PHYKPL: variants seen among roughly 807,000 people sequenced by gnomAD.
PHYKPL encodes 5-phosphonooxy-L-lysine phospho-lyase.
A neutral mutation model predicts 51.3 loss-of-function variants in PHYKPL; 42 were observed. That is an observed-to-expected ratio of 0.82 (90% CI 0.64 to 1.06). The LOEUF (loss-of-function observed/expected upper bound fraction) is 1.06. PHYKPL is among the 50% of genes least tolerant of loss of function. The pLI, the probability that PHYKPL is intolerant of heterozygous loss-of-function variation, is 0.00. For missense variants in PHYKPL, 655 were observed against 586.6 expected, an observed-to-expected ratio of 1.12 and a Z score of -1.20; for synonymous variants, 264 against 236.0, an observed-to-expected ratio of 1.12 and a Z score of -1.09.
Position 178,232,764 on chromosome 5 carries a change from T to A in PHYKPL, c.-214A>T. Reference sequence around the variant, plus strand: ...CAGCCTTCCGGCCCGTGGTCGTGCCTTGGCAGTCCCGCGCAGGAACTCGAG... The same window carrying A: ...CAGCCTTCCGGCCCGTGGTCGTGCCATGGCAGTCCCGCGCAGGAACTCGAG... On this transcript the variant is annotated 5_prime_UTR_variant, in exon 1 of 13. It adds an upstream start codon to the 5' untranslated region. Transcript: ENST00000308158. 2.3e-6 allele frequency: 1 copy of A among 443,602 alleles called. No individual in the cohort carries two copies. The highest frequency in any genetic ancestry group is 3.5e-6 in the Non-Finnish European group (1 of 285,616). 27.5% of individuals were successfully genotyped at this position (443,602 alleles called of 1,614,324 possible).
chr5:178,217,646 CAGG>C (rs1395522321), intron 8 of PHYKPL, among the ~76,000 whole-genome samples: 1 of 150,798 alleles, frequency 6.6e-6, no homozygotes, highest in Non-Finnish European at 1.5e-5. Flanking sequence ...ATCATGAGGT[CAGG>C]AGATCGAGAC....
At chr5:178,225,724 A>G (rs1045802212) in intron 3 of PHYKPL, 31 of 422,638 alleles carry the variant, frequency 7.3e-5, no homozygotes, top group Non-Finnish European at 1.0e-4. Flanking sequence ...CTTTCACACT[A>G]CAACAATCAA....
chr5:178,222,846 A>G lies in PHYKPL; in HGVS notation c.701+6T>C, dbSNP rs760237368. Reference sequence around the variant, plus strand: ...TCCCTAGAGCAGACCCCGCCCACCTACTCACTCTGCCACTTGGGAGAAGTA... The same window carrying G: ...TCCCTAGAGCAGACCCCGCCCACCTGCTCACTCTGCCACTTGGGAGAAGTA... On this transcript the variant is annotated splice_donor_region_variant and intron_variant, in intron 7 of 12. Coordinates refer to ENST00000308158, the MANE Select transcript of PHYKPL (RefSeq NM_153373.4). The G allele has an allele frequency of 3.1e-6, 5 of 1,613,888 alleles. No individual in the cohort carries two copies. The South Asian group carries it at 5.5e-5, about 18-fold the overall frequency.
chr5:178,224,954 C>T (rs566390235), intron 4 of PHYKPL: 19 of 571,966 alleles, frequency 3.3e-5, no homozygotes, highest in African/African-American at 2.2e-4. Context: ...TAATCTCTCT[C>T]GGTTGTTTTC....
rs1185844046 is a variant in PHYKPL, at chr5:178,225,293, G to A, written c.413+62C>T. 6.9e-6 allele frequency: 11 copies of A among 1,588,524 alleles called. 1 individual carries two copies. Among genetic ancestry groups the A allele is most frequent in the Middle Eastern group, 3.6e-4 (2 of 5,548 alleles). On this transcript the variant is annotated intron_variant, in intron 4 of 12. Transcript: ENST00000308158. ...CTAAGGCACCCAGAGTCAGTCTCAC[G>A]GATCACCAAGAAGCCTGTGGGCCAG...
chr5:178,212,915 AG>A (rs1758911819), intron 11 of PHYKPL, 57 bp downstream of exon 11: 1 of 1,598,802 alleles, frequency 6.3e-7, no homozygotes, highest in African/African-American at 1.3e-5. Flanking sequence ...AGGAGGCTCT[AG>A]TTGCTGGCTT....
chr5:178,232,386 T>A, intron 1 of PHYKPL, 106 bp downstream of exon 1: 1 of 1,319,628 alleles, frequency 7.6e-7, no homozygotes, highest in Non-Finnish European at 9.6e-7. Context: ...TAGCAGCGGC[T>A]TCCTAGCCGG....
chr5:178,220,757 C>T (rs1445942656), intron 8 of PHYKPL, among the ~76,000 whole-genome samples: 1 of 149,798 alleles, frequency 6.7e-6, no homozygotes, highest in Non-Finnish European at 1.5e-5. Flanking sequence ...CATGGAACGA[C>T]CTCAAAGCAC....
rs1763772258 is a variant in PHYKPL at position 178,232,658 on chromosome 5, G to C, written c.-108C>G. The C allele has an allele frequency of 8.4e-7, 1 of 1,187,294 alleles. No individual in the cohort carries two copies. Among genetic ancestry groups the C allele is most frequent in the Non-Finnish European group, 1.1e-6 (1 of 949,280 alleles). The allele number at this position is 1,187,294 out of a possible 1,614,324, so 73.5% of individuals were successfully genotyped here. ...CCCGCCCCTGCCTGGGTCGGGATTTGGGGCTCAGGTTCGCACTCGGCCCCG... is the reference window on the plus strand; with the variant it reads ...CCCGCCCCTGCCTGGGTCGGGATTTCGGGCTCAGGTTCGCACTCGGCCCCG... On this transcript the variant is annotated 5_prime_UTR_variant, in exon 1 of 13. Coordinates refer to ENST00000308158, the MANE Select transcript of PHYKPL (RefSeq NM_153373.4).
chr5:178,212,846 C>A, intron 11 of PHYKPL, 127 bp downstream of exon 11: 1 of 1,338,764 alleles, frequency 7.5e-7, no homozygotes. Context: ...TGCTCCCTGC[C>A]CTGTCCAGAG....
At chr5:178,232,127 A>G (rs866330612) in intron 1 of PHYKPL, 14 of 1,189,928 alleles carry the variant, frequency 1.2e-5, no homozygotes, top group Middle Eastern at 3.7e-4. Flanking sequence ...GGTGCTGCTG[A>G]CGGGCCACCC....
chr5:178,217,929 C>T (rs545130489), intron 8 of PHYKPL, among the ~76,000 whole-genome samples: 1 of 146,662 alleles, frequency 6.8e-6, no homozygotes, highest in Admixed American at 6.8e-5. Context: ...TAAAGAAAAA[C>T]AGTCATGTCT....
rs1758570155 is a variant in PHYKPL, at chr5:178,211,921, T to C, written c.1353A>G (p.Ter451=). 6.2e-7 allele frequency: 1 copy of C among 1,613,170 alleles called. No individual in the cohort carries two copies. Among genetic ancestry groups the C allele is most frequent in the Non-Finnish European group, 8.5e-7 (1 of 1,179,208 alleles). Residue 451 remains the stop codon, a stop_retained_variant, in exon 12 of 13, where the codon TAA becomes TAG. Coordinates refer to ENST00000308158, the MANE Select transcript of PHYKPL (RefSeq NM_153373.4). The part of the protein sequence containing the change: ...RSCETLRLQP[*] The stretch of plus-strand genomic sequence containing the variant: ...TACACTTAGGCAGAGCAGGGCTGGC[T>C]TAGGGCTGGAGCCTCAGCGTTTCAC...
chr5:178,210,542 C>G, intron 12 of PHYKPL: 3 of 1,613,382 alleles, frequency 1.9e-6, no homozygotes, highest in Non-Finnish European at 2.5e-6. Flanking sequence ...TATGGTTGTT[C>G]TCGTCCCTAG....
At chr5:178,226,960 C>A (rs2913866) in intron 3 of PHYKPL, among the ~76,000 whole-genome samples, 1 of 151,178 alleles carries the variant, frequency 6.6e-6, no homozygotes, top group African/African-American at 2.4e-5. Context: ...CACACACACA[C>A]GCCACCACAA....
chr5:178,230,311 G>A lies in PHYKPL; in HGVS notation c.179-212C>T, dbSNP rs181890040. On this transcript the variant is annotated intron_variant, in intron 2 of 12. Coordinates refer to ENST00000308158, the MANE Select transcript of PHYKPL (RefSeq NM_153373.4). ...CTGAGATTCTGGCAGAAGGAAAGCC[G>A]CTTCAGCAGAAGAACCCTGTCTAGA... The A allele has an allele frequency of 1.3e-3, 720 of 571,518 alleles. 5 individuals are homozygous for A. The highest frequency in any genetic ancestry group is 5.7e-3 in the African/African-American group (303 of 53,318). The allele number at this position is 571,518 out of a possible 1,614,324, so 35.4% of individuals were successfully genotyped here.
At chr5:178,230,327 C>T (rs10055074) in intron 2 of PHYKPL, 1 of 545,824 alleles carries the variant, frequency 1.8e-6, no homozygotes, top group Admixed American at 3.1e-5. Flanking sequence ...GCAGAAGAAC[C>T]CTGTCTAGAA....
At chr5:178,225,610 AAG>A (rs1187454063) in intron 3 of PHYKPL, 181 bp from the exon 4 acceptor site, 10 of 612,318 alleles carry the variant, frequency 1.6e-5, no homozygotes, top group Non-Finnish European at 2.6e-5. Flanking sequence ...CTGGGGGAAA[AAG>A]AGTAGGTAAA....
At chr5:178,223,316 A>T in intron 6 of PHYKPL, 1 of 455,432 alleles carries the variant, frequency 2.2e-6, no homozygotes, top group African/African-American at 2.0e-5. Context: ...CTGCCTGGAC[A>T]TGCCTGCCTC....
Sources: allele counts gnomAD v4.1 joint callset (sites outside exome capture counted in the v4.1 genomes callset), GRCh38; gene constraint gnomAD v4.1.1; transcripts MANE v1.5; gene names NCBI Gene and HGNC (gene_info 2026-07-23, HGNC 2026-07-21).